The following RHOQ variants were observed in gnomAD, a reference collection of about 807,000 sequenced individuals.
The protein encoded by RHOQ is rho-related GTP-binding protein RhoQ.
A neutral mutation model predicts 25.8 loss-of-function variants in RHOQ; 7 were observed. The ratio of observed to expected loss-of-function variants is 0.27; its 90% confidence interval spans 0.15 to 0.51. The LOEUF (loss-of-function observed/expected upper bound fraction) is 0.51, where lower values mean the gene tolerates loss of function less well. RHOQ is among the 20% of genes least tolerant of loss of function. The probability of loss-of-function intolerance (pLI) is 0.97; values close to 1 mark genes in which losing one functional copy is unlikely to be tolerated. For synonymous variants in RHOQ, 97 were observed against 98.6 expected (o/e 0.98, Z 0.10); for missense variants, 165 against 260.6 (o/e 0.63, Z 2.53).
chr2:46,575,399 T>TCACACACACACA (rs56002979), intron 2 of RHOQ, among the ~76,000 whole-genome samples: 10 of 138,324 alleles, frequency 7.2e-5, no homozygotes, highest in East Asian at 2.1e-4. Context: ...CTTTAAATCT[T>TCACACACACACA]CACACACACA....
intron 2 of RHOQ, among the ~76,000 whole-genome samples, chr2:46,575,718 G>C (rs977046948): frequency 1.3e-5 from 2 of 152,080 alleles, no homozygotes; most frequent in African/African-American, 4.8e-5. Flanking sequence ...CTGACACATA[G>C]TAAATATTTA....
intron 2 of RHOQ, among the ~76,000 whole-genome samples, chr2:46,550,428 C>T (rs939973122): frequency 1.3e-5 from 2 of 152,182 alleles, no homozygotes; most frequent in African/African-American, 4.8e-5. Context: ...ATGGGGCAGG[C>T]CATCAGTTTT....
rs1669428976 is a variant in RHOQ, at chr2:46,582,476, T to G, written c.*1393T>G. Reference sequence around the variant, plus strand: ...TTGGTCTGCTGTGGATCTGCCTTATTGCATATGCCATGCATCAGATAATGG... The same window carrying G: ...TTGGTCTGCTGTGGATCTGCCTTATGGCATATGCCATGCATCAGATAATGG... On this transcript the variant is annotated 3_prime_UTR_variant, in exon 5 of 5. Coordinates refer to ENST00000238738, the MANE Select transcript of RHOQ (RefSeq NM_012249.4). 1 of 152,248 alleles carries G rather than the reference T, an allele frequency of 6.6e-6. No homozygotes were observed. The highest frequency in any genetic ancestry group is 1.5e-5 in the Non-Finnish European group (1 of 68,044). The allele number at this position is 152,248 out of a possible 1,614,324, so 9.4% of individuals were successfully genotyped here. A position where few individuals can be genotyped will look rare whatever the true frequency, so the allele number is the denominator to read the frequency against.
At chr2:46,577,459 A>T (rs1201409161) in intron 4 of RHOQ, among the ~76,000 whole-genome samples, 26 of 132,378 alleles carry the variant, frequency 2.0e-4, no homozygotes, top group Non-Finnish European at 1.8e-4. Context: ...GAGTGCAGTG[A>T]CGGGATCTCA....
intron 2 of RHOQ, among the ~76,000 whole-genome samples, chr2:46,571,256 T>C (rs1231141574): frequency 6.6e-6 from 1 of 152,220 alleles, no homozygotes; most frequent in Non-Finnish European, 1.5e-5. Context: ...TCGAAAGCTG[T>C]TATGCATTTG....
intron 2 of RHOQ, among the ~76,000 whole-genome samples, chr2:46,544,395 G>A (rs898403723): frequency 6.6e-6 from 1 of 152,252 alleles, no homozygotes; most frequent in East Asian, 1.9e-4. Context: ...CTGGGGTGGG[G>A]AGGAAGGGTT....
At chr2:46,553,867 G>T (rs1032408470) in intron 2 of RHOQ, among the ~76,000 whole-genome samples, 1 of 152,042 alleles carries the variant, frequency 6.6e-6, no homozygotes, top group Non-Finnish European at 1.5e-5. Context: ...GTGAGCCACC[G>T]TGCCTGGCCC....
chr2:46,560,644 T>C (rs1326813359), intron 2 of RHOQ: 1 of 456,156 alleles, frequency 2.2e-6, no homozygotes, highest in Non-Finnish European at 4.4e-6. Flanking sequence ...CCAGGATCTG[T>C]TGTGTCCACT....
rs1453953834 is a variant in RHOQ at position 46,581,288 on chromosome 2, A to T, written c.*205A>T. 1.0e-6 allele frequency: 1 copy of T among 984,802 alleles called. No homozygotes were observed. Among genetic ancestry groups the T allele is most frequent in the Non-Finnish European group, 1.5e-6 (1 of 677,156 alleles). The allele number at this position is 984,802 out of a possible 1,614,324, so 61.0% of individuals were successfully genotyped here. On this transcript the variant is annotated 3_prime_UTR_variant, in exon 5 of 5. Transcript: ENST00000238738. ...TAAGCAGCATCTGAAGCCACAATCT[A>T]TTATAAATACTTTATTTCAACTAGA...
At chr2:46,580,585 T>TC (rs1669322718) in intron 4 of RHOQ, 1 of 172,806 alleles carries the variant, frequency 5.8e-6, no homozygotes, top group Admixed American at 6.3e-5. Context: ...CTGTATTCCC[T>TC]CCCCTGTGCC....
chr2:46,559,382 T>C (rs1194665576), intron 2 of RHOQ, among the ~76,000 whole-genome samples: 2 of 152,200 alleles, frequency 1.3e-5, no homozygotes, highest in East Asian at 3.9e-4. Context: ...CTGTGTAATC[T>C]CTAATTTTGA....
rs1249032442 is a variant in RHOQ, at chr2:46,555,811, G to C, written c.201+11999G>C. On this transcript the variant is annotated intron_variant, in intron 2 of 4. Coordinates refer to ENST00000238738, the MANE Select transcript of RHOQ (RefSeq NM_012249.4). The surrounding 1 kb of genome is among the most constrained non-coding windows in gnomAD (Gnocchi z 4.3). ...AGGAGGGGGACATGGTGAGGATGCTGACCTGCTCACTTGTGTCTTGACTGG... is the reference window on the plus strand; with the variant it reads ...AGGAGGGGGACATGGTGAGGATGCTCACCTGCTCACTTGTGTCTTGACTGG... Among the ~76,000 whole-genome samples the C allele has an allele frequency of 6.6e-6, 1 of 152,176 alleles. No homozygotes were observed. The highest frequency in any genetic ancestry group is 2.4e-5 in the African/African-American group (1 of 41,438).
In RHOQ at chr2:46,548,573, A is replaced by T. The variant is rs1241143824; in HGVS notation, c.201+4761A>T. ...TCTACTTTGGAGAAGGCCTGCAGGG[A>T]ACATTAGTAGGGTTTAGGAAATGCC... is the stretch of plus-strand genomic sequence containing the variant. On this transcript the variant is annotated intron_variant, in intron 2 of 4. Coordinates refer to ENST00000238738, the MANE Select transcript of RHOQ (RefSeq NM_012249.4). This position sits in a 1 kb window ranked among gnomAD's most constrained non-coding sequence, Gnocchi z 5.2. Among the ~76,000 whole-genome samples the T allele has an allele frequency of 1.1e-4, 16 of 152,112 alleles. No individual in the cohort carries two copies. The highest frequency in any genetic ancestry group is 1.2e-4 in the Non-Finnish European group (8 of 68,016).
In RHOQ at chr2:46,543,153, A is replaced by G; in HGVS notation, c.107A>G (p.Glu36Gly). ...AGCTATGCCAACGACGCCTTCCCGG[A>G]GGAGTACGTGCCCACCGTCTTCGAC... ...LMSYANDAFP[E>G]EYVPTVFDHY... Residue 36 changes from glutamate to glycine, a missense_variant, in exon 1 of 5, where the codon GAG (glutamate) becomes GGG (glycine). Glu to Gly is a moderately conservative substitution (Grantham distance 98). Coordinates refer to ENST00000238738, the MANE Select transcript of RHOQ (RefSeq NM_012249.4). 7 of 1,612,110 alleles carry G rather than the reference A, an allele frequency of 4.3e-6. No homozygotes were observed. The highest frequency in any genetic ancestry group is 5.9e-6 in the Non-Finnish European group (7 of 1,179,344).
rs2104054874 is a variant in RHOQ at position 46,583,412 on chromosome 2, C to G, written c.*2329C>G. 6.6e-6 allele frequency among the ~76,000 whole-genome samples: 1 copy of G among 152,180 alleles called. No individual in the cohort carries two copies. The highest frequency in any genetic ancestry group is 2.1e-4 in the South Asian group (1 of 4,822). On this transcript the variant is annotated 3_prime_UTR_variant, in exon 5 of 5. Transcript: ENST00000238738. Reference sequence around the variant, plus strand: ...TAATCATTGTTGGATGTTACCTTTTCAGCTTCACATTCTCAAGATGGTAAA... The same window carrying G: ...TAATCATTGTTGGATGTTACCTTTTGAGCTTCACATTCTCAAGATGGTAAA...
chr2:46,568,841 A>G (rs1322991068), intron 2 of RHOQ: 1 of 152,236 alleles, frequency 6.6e-6, no homozygotes, highest in Non-Finnish European at 1.5e-5. Flanking sequence ...TCGTCTATAC[A>G]CAGCACTCAG....
At chr2:46,573,457 A>C (rs1439545928) in intron 2 of RHOQ, among the ~76,000 whole-genome samples, 1 of 152,216 alleles carries the variant, frequency 6.6e-6, no homozygotes, top group East Asian at 1.9e-4. Context: ...AGGAGGTCTA[A>C]ACATATGTGT....
chr2:46,579,874 T>C (rs1424393109), intron 4 of RHOQ, among the ~76,000 whole-genome samples: 1 of 150,722 alleles, frequency 6.6e-6, no homozygotes, highest in Non-Finnish European at 1.5e-5. Context: ...AAGTCGTACT[T>C]GACCTTGCTC....
chr2:46,581,375 C>T lies in RHOQ; in HGVS notation c.*292C>T, dbSNP rs903826517. On this transcript the variant is annotated 3_prime_UTR_variant, in exon 5 of 5. Transcript: ENST00000238738. Reference sequence around the variant, plus strand: ...CTACAATCACATCATGTTGTAACTACGTAAAAAACAGAGCTGTAAATGGAA... The same window carrying T: ...CTACAATCACATCATGTTGTAACTATGTAAAAAACAGAGCTGTAAATGGAA... The T allele has an allele frequency of 3.9e-5, 59 of 1,494,146 alleles. No homozygotes were observed. Among genetic ancestry groups the T allele is most frequent in the African/African-American group, 8.4e-5 (6 of 71,228 alleles). 92.6% of individuals were successfully genotyped at this position (1,494,146 alleles called of 1,614,324 possible). A position where few individuals can be genotyped will look rare whatever the true frequency, so the allele number is the denominator to read the frequency against.
Sources: gnomAD v4.1 joint callset for allele counts (sites outside exome capture counted in the v4.1 genomes callset) on GRCh38, gnomAD v4.1.1 for gene constraint, Gnocchi (gnomAD v3.1) non-coding constraint, MANE v1.5 for transcripts, NCBI Gene and HGNC (gene_info 2026-07-23, HGNC 2026-07-21) for gene names.